Variants in ENPP6 observed in about 807,000 individuals in gnomAD.
ENPP6 encodes ectonucleotide pyrophosphatase/phosphodiesterase 6, also known as glycerophosphocholine cholinephosphodiesterase ENPP6.
In ENPP6, 32 loss-of-function variants were observed where a neutral mutation model predicts 42.0. That is an observed-to-expected ratio of 0.76 (90% CI 0.58 to 1.02). ENPP6 has a LOEUF of 1.02. ENPP6 is among the 50% of genes least tolerant of loss of function. The pLI, the probability that ENPP6 is intolerant of heterozygous loss-of-function variation, is 0.00. For synonymous variants in ENPP6, 213 were observed against 216.0 expected, an observed-to-expected ratio of 0.99 and a Z score of 0.12; for missense variants, 552 against 566.8, an observed-to-expected ratio of 0.97 and a Z score of 0.27.
At chr4:184,203,577 T>C (rs1732940137) in intron 1 of ENPP6, among the ~76,000 whole-genome samples, 2 of 152,060 alleles carry the variant, frequency 1.3e-5, no homozygotes, top group African/African-American at 2.4e-5. Context: ...GAATGCCCCG[T>C]GACAATGGAA....
At chr4:184,144,250 C>A (rs781257224) in intron 2 of ENPP6, among the ~76,000 whole-genome samples, 1 of 152,192 alleles carries the variant, frequency 6.6e-6, no homozygotes, top group African/African-American at 2.4e-5. Context: ...GAGCCCTCTT[C>A]GTTACTTTGC....
chr4:184,194,922 C>A (rs1732771446), intron 1 of ENPP6, among the ~76,000 whole-genome samples: 2 of 152,286 alleles, frequency 1.3e-5, no homozygotes, highest in Middle Eastern at 3.4e-3. Context: ...GACCTAAGGA[C>A]CTTTCCTAGA....
intron 1 of ENPP6, among the ~76,000 whole-genome samples, chr4:184,157,609 TTCTC>T (rs143821280): frequency 1.3e-5 from 2 of 149,954 alleles, no homozygotes; most frequent in African/African-American, 4.9e-5. Flanking sequence ...TTCCTTCCTT[TTCTC>T]TCTCTTTCTC....
chr4:184,091,319 T>C lies in ENPP6; in HGVS notation c.1181A>G (p.Asn394Ser). The change falls in exon 8 of 8, where the codon AAT becomes AGT. Residue 394 changes from asparagine (N) to serine (S), a missense_variant. Around this residue, in one of 2 missense-constraint regions of ENPP6, gnomAD observed 545 missense variants for 546.3 expected, o/e 1.00. Transcript: ENST00000296741. ...RSVDVYNVMC[N>S]VVGITPLPNN... Reference sequence around the variant, plus strand: ...GGGCAGCGGGGTGATGCCCACCACATTGCACATGACATTGTAGACGTCCAC... The same window carrying C: ...GGGCAGCGGGGTGATGCCCACCACACTGCACATGACATTGTAGACGTCCAC... 6.2e-7 allele frequency: 1 copy of C among 1,614,048 alleles called. No homozygotes were observed. The highest frequency in any genetic ancestry group is 8.5e-7 in the Non-Finnish European group (1 of 1,179,992).
At chr4:184,171,019 G>A (rs1737452508) in intron 1 of ENPP6, among the ~76,000 whole-genome samples, 1 of 152,216 alleles carries the variant, frequency 6.6e-6, no homozygotes, top group African/African-American at 2.4e-5. Flanking sequence ...GGGTGGATCA[G>A]TTATCTGTTT....
chr4:184,093,880 A>C (rs774775951), intron 7 of ENPP6, among the ~76,000 whole-genome samples: 39 of 152,206 alleles, frequency 2.6e-4, no homozygotes, highest in Non-Finnish European at 5.0e-4. Context: ...TGTGACCTGG[A>C]TGTGATAATT....
At chr4:184,162,565 AAGGAAG>A (rs1197166880) in intron 1 of ENPP6, among the ~76,000 whole-genome samples, 10 of 73,238 alleles carry the variant, frequency 1.4e-4, no homozygotes, top group Non-Finnish European at 2.5e-4. Context: ...GGAAAGAAGG[AAGGAAG>A]GAAGAAAGGA....
At chr4:184,114,152 G>A (rs1178062708) in intron 5 of ENPP6, among the ~76,000 whole-genome samples, 1 of 152,098 alleles carries the variant, frequency 6.6e-6, no homozygotes, top group African/African-American at 2.4e-5. Context: ...TTTTAGTAAA[G>A]ACGGGTTTTC....
At position 184,090,718 on chromosome 4, in the gene ENPP6, A is replaced by C; in HGVS notation, c.*459T>G. The C allele has an allele frequency of 3.3e-6, 1 of 302,110 alleles. No homozygotes were observed. The allele number at this position is 302,110 out of a possible 1,614,324, so 18.7% of individuals were successfully genotyped here. On this transcript the variant is annotated 3_prime_UTR_variant, in exon 8 of 8. Coordinates refer to ENST00000296741, the MANE Select transcript of ENPP6 (RefSeq NM_153343.4). ...CCTCCTTTTATCAGGGATGGAAGGA[A>C]CAGTACAGGATTGTGGCCACAGACA...
intron 1 of ENPP6, among the ~76,000 whole-genome samples, chr4:184,162,973 C>T (rs1450009902): frequency 6.6e-6 from 1 of 152,184 alleles, no homozygotes; most frequent in Non-Finnish European, 1.5e-5. Context: ...GCAAGTGGAC[C>T]TGCCTCTCCA....
chr4:184,217,754 G>A lies in ENPP6; in HGVS notation c.66C>T (p.Ala22=), dbSNP rs201179456. 1.6e-5 allele frequency: 26 copies of A among 1,614,090 alleles called. No homozygotes were observed. The African/African-American group carries it at 3.3e-4, about 21-fold the overall frequency. ...GCAGAAACACCAGCAGCTTCCGGCGGGCAGAGGCTGGCTGGGCCAGGCCCA... is the reference window on the plus strand; with the variant it reads ...GCAGAAACACCAGCAGCTTCCGGCGAGCAGAGGCTGGCTGGGCCAGGCCCA... ...LALGLAQPAS[A]RRKLLVFLLD... Residue 22 remains alanine, a synonymous_variant, in exon 1 of 8, where the codon GCC becomes GCT. Coordinates refer to ENST00000296741, the MANE Select transcript of ENPP6 (RefSeq NM_153343.4).
chr4:184,125,754 C>T (rs538437476), intron 2 of ENPP6, among the ~76,000 whole-genome samples: 13 of 152,246 alleles, frequency 8.5e-5, no homozygotes, highest in Middle Eastern at 6.8e-3. Context: ...GTTTCCTTTT[C>T]CAAAACATGT....
intron 2 of ENPP6, among the ~76,000 whole-genome samples, chr4:184,136,141 C>T (rs979840573): frequency 1.3e-5 from 2 of 151,458 alleles, no homozygotes; most frequent in African/African-American, 2.4e-5. Context: ...TAACCTCTTC[C>T]TTGCAAAGGG....
chr4:184,170,181 G>A lies in ENPP6; in HGVS notation c.242-16448C>T, dbSNP rs956739220. On this transcript the variant is annotated intron_variant, in intron 1 of 7. Transcript: ENST00000296741. ...AAGGTGGCTCACGCCTGTAATCCCA[G>A]CACTTTGGGAGGCCAAGGCTGGCAG... 2.0e-5 allele frequency among the ~76,000 whole-genome samples: 3 copies of A among 152,220 alleles called. No homozygotes were observed. In the South Asian group the frequency reaches 6.2e-4, roughly 32 times the overall value.
chr4:184,136,790 C>T (rs969425709), intron 2 of ENPP6, among the ~76,000 whole-genome samples: 1 of 152,204 alleles, frequency 6.6e-6, no homozygotes, highest in Non-Finnish European at 1.5e-5. Flanking sequence ...TTCACCAGTT[C>T]TGAAATCCAT....
At chr4:184,208,659 G>T (rs1247223610) in intron 1 of ENPP6, among the ~76,000 whole-genome samples, 6 of 149,498 alleles carry the variant, frequency 4.0e-5, no homozygotes, top group Admixed American at 3.3e-4. Context: ...AGCGAGGCTG[G>T]GGGAGGGGCG....
At chr4:184,164,874 C>T (rs956784453) in intron 1 of ENPP6, among the ~76,000 whole-genome samples, 4 of 152,158 alleles carry the variant, frequency 2.6e-5, no homozygotes, top group African/African-American at 7.2e-5. Flanking sequence ...ATCAGGCAGC[C>T]TGGATCCCGA....
In ENPP6 at chr4:184,170,417, G is replaced by A. The variant is rs1489905398; in HGVS notation, c.242-16684C>T. 8.2e-5 allele frequency among the ~76,000 whole-genome samples: 12 copies of A among 146,630 alleles called. 1 individual carries two copies. In the Admixed American group the frequency reaches 8.3e-4, roughly 10 times the overall value. On this transcript the variant is annotated intron_variant, in intron 1 of 7. Transcript: ENST00000296741. ...TGCACTCCAGCCTGAGTGACAGAGT[G>A]AGACTCTGTCTCAAAAAAGAAAAGA...
chr4:184,110,852 C>T (rs962481170), intron 6 of ENPP6, among the ~76,000 whole-genome samples: 5 of 152,162 alleles, frequency 3.3e-5, no homozygotes, highest in Non-Finnish European at 7.3e-5. Flanking sequence ...TGACCAAGAG[C>T]GTCTTAACGG....
Sources: gnomAD v4.1 joint callset for allele counts (sites outside exome capture counted in the v4.1 genomes callset) on GRCh38, gnomAD v4.1.1 for gene constraint, gnomAD v4.1.1 regional missense constraint, MANE v1.5 for transcripts, NCBI Gene and HGNC (gene_info 2026-07-23, HGNC 2026-07-21) for gene names.